Variants in DLGAP2 observed in about 807,000 individuals in gnomAD.
DLGAP2 encodes the protein DLG associated protein 2, also known as disks large-associated protein 2.
A neutral mutation model predicts 100.3 loss-of-function variants in DLGAP2; 26 were observed. That is an observed-to-expected ratio of 0.26 (90% CI 0.19 to 0.36). DLGAP2 has a LOEUF of 0.36. Ranked by LOEUF, DLGAP2 falls within the 10% of genes least tolerant of loss-of-function variation. DLGAP2 has a pLI of 1.00. For missense variants in DLGAP2, 1,858 were observed against 1,453.2 expected, an observed-to-expected ratio of 1.28 and a Z score of -4.53; for synonymous variants, 886 against 630.1, an observed-to-expected ratio of 1.41 and a Z score of -6.08.
chr8:812,173 T>A (rs1380467568), intron 1 of DLGAP2, among the ~76,000 whole-genome samples: 4 of 152,072 alleles, frequency 2.6e-5, no homozygotes, highest in Non-Finnish European at 4.4e-5. Flanking sequence ...GAGTCTGAAA[T>A]CTGCAGGGTG....
intron 8 of DLGAP2, among the ~76,000 whole-genome samples, chr8:1,661,709 A>G (rs1028448858): frequency 2.0e-5 from 3 of 152,162 alleles, no homozygotes; most frequent in African/African-American, 7.2e-5. Flanking sequence ...GAGCTCCATG[A>G]TGCTATCTGG....
At chr8:1,161,033 T>A (rs896883256) in intron 2 of DLGAP2, among the ~76,000 whole-genome samples, 3 of 152,262 alleles carry the variant, frequency 2.0e-5, no homozygotes, top group African/African-American at 7.2e-5. Context: ...ATATCCAACT[T>A]ATTCCTGAAG....
chr8:1,068,303 A>T (rs1803318360), intron 2 of DLGAP2, among the ~76,000 whole-genome samples: 1 of 152,230 alleles, frequency 6.6e-6, no homozygotes, highest in Non-Finnish European at 1.5e-5. Context: ...TTTCCAGCTC[A>T]TCTGGGTAAA....
intron 2 of DLGAP2, among the ~76,000 whole-genome samples, chr8:1,220,828 T>G (rs559248141): frequency 3.9e-5 from 6 of 152,284 alleles, no homozygotes; most frequent in African/African-American, 1.4e-4. Context: ...GCCTTCTTGT[T>G]GAATTGAACC....
chr8:1,670,004 T>G (rs1486179063), intron 10 of DLGAP2, among the ~76,000 whole-genome samples: 1 of 152,106 alleles, frequency 6.6e-6, no homozygotes. Flanking sequence ...CCGGCGCCGG[T>G]AAGCAGGAAA....
chr8:997,460 G>T (rs1439741776), intron 2 of DLGAP2, among the ~76,000 whole-genome samples: 1 of 152,118 alleles, frequency 6.6e-6, no homozygotes, highest in East Asian at 1.9e-4. Flanking sequence ...GACAACAACT[G>T]ATCACAAAGC....
intron 6 of DLGAP2, among the ~76,000 whole-genome samples, chr8:1,586,362 C>T (rs771642050): frequency 1.5e-4 from 23 of 152,242 alleles, no homozygotes; most frequent in Non-Finnish European, 2.6e-4. Flanking sequence ...TTAGCTCTGG[C>T]CCCTGCCTGC....
intron 3 of DLGAP2, among the ~76,000 whole-genome samples, chr8:1,470,530 C>G (rs1302294691): frequency 6.6e-6 from 1 of 152,108 alleles, no homozygotes; most frequent in African/African-American, 2.4e-5. Context: ...AATCCATGGG[C>G]CAGTCACACG....
chr8:1,101,564 T>C (rs1216460763), intron 2 of DLGAP2, among the ~76,000 whole-genome samples: 1 of 151,956 alleles, frequency 6.6e-6, no homozygotes, highest in African/African-American at 2.4e-5. Context: ...AGACGCTCAG[T>C]CTGGGAAGAT....
At chr8:958,615 G>A (rs1020582510) in intron 2 of DLGAP2, among the ~76,000 whole-genome samples, 1 of 151,694 alleles carries the variant, frequency 6.6e-6, no homozygotes, top group African/African-American at 2.4e-5. Context: ...CTTTTCCCGG[G>A]GATGTTAATG....
intron 2 of DLGAP2, among the ~76,000 whole-genome samples, chr8:945,770 GCTCT>G (rs943744998): frequency 4.6e-5 from 7 of 151,912 alleles, no homozygotes; most frequent in African/African-American, 9.7e-5. Context: ...TCTTGCTTTT[GCTCT>G]CTCTCTCACT....
At chr8:1,147,587 C>T (rs1458793947) in intron 2 of DLGAP2, among the ~76,000 whole-genome samples, 3 of 149,688 alleles carry the variant, frequency 2.0e-5, no homozygotes, top group South Asian at 2.1e-4. Flanking sequence ...GGCTGGAGTC[C>T]TGTGGTGAGA....
At chr8:860,357 C>T (rs77241995) in intron 1 of DLGAP2, among the ~76,000 whole-genome samples, 4 of 152,226 alleles carry the variant, frequency 2.6e-5, no homozygotes, top group Non-Finnish European at 4.4e-5. Context: ...AGCAGAGCTT[C>T]TGACCTGTTT....
chr8:1,067,188 C>G (rs111500654), intron 2 of DLGAP2, among the ~76,000 whole-genome samples: 16 of 152,246 alleles, frequency 1.1e-4, no homozygotes, highest in African/African-American at 3.9e-4. Flanking sequence ...TGCCCTGTAC[C>G]TCGTGCTGCT....
chr8:1,205,716 G>C (rs1299529221), intron 2 of DLGAP2, among the ~76,000 whole-genome samples: 3 of 152,220 alleles, frequency 2.0e-5, no homozygotes, highest in East Asian at 1.9e-4. Context: ...CAGGTTCTCA[G>C]CGTCTCCATT....
At chr8:936,786 G>A (rs1034571326) in intron 2 of DLGAP2, among the ~76,000 whole-genome samples, 4 of 152,164 alleles carry the variant, frequency 2.6e-5, no homozygotes, top group Admixed American at 6.6e-5. Flanking sequence ...GCAGATGCCC[G>A]GGAAGTTGGA....
intron 2 of DLGAP2, among the ~76,000 whole-genome samples, chr8:1,191,035 A>C (rs1360641496): frequency 6.6e-6 from 1 of 152,212 alleles, no homozygotes; most frequent in African/African-American, 2.4e-5. Context: ...CAGCAGGTCC[A>C]GGATGACCCT....
chr8:978,807 C>T (rs1162087506), intron 2 of DLGAP2, among the ~76,000 whole-genome samples: 2 of 152,152 alleles, frequency 1.3e-5, no homozygotes, highest in Non-Finnish European at 2.9e-5. Flanking sequence ...AAACAGCTTA[C>T]CTTTTGATAA....
intron 3 of DLGAP2, chr8:1,380,937 C>CAAAAAAAA (rs34675828): frequency 3.1e-4 from 24 of 76,982 alleles, no homozygotes; most frequent in Non-Finnish European, 4.1e-4. Context: ...GAACATGATT[C>CAAAAAAAA]AAAAAAAAAA....
Sources: gnomAD v4.1 joint callset for allele counts (sites outside exome capture counted in the v4.1 genomes callset) on GRCh38, gnomAD v4.1.1 for gene constraint, MANE v1.5 for transcripts, NCBI Gene and HGNC (gene_info 2026-07-23, HGNC 2026-07-21) for gene names.